The following CSMD1 variants were observed in gnomAD, a reference collection of about 807,000 sequenced individuals.
The protein encoded by CSMD1 is CUB and sushi domain-containing protein 1.
CSMD1 carries 213 observed loss-of-function variants against 417.5 expected under a neutral mutation model. The observed-to-expected ratio is 0.51, with a 90% confidence interval of 0.46 to 0.57. CSMD1 has a LOEUF of 0.57. Among genes scored for constraint, CSMD1 ranks in the 20% least tolerant of loss-of-function variants. The pLI is 0.00. For synonymous variants in CSMD1, 2,862 were observed against 1,736.8 expected, an observed-to-expected ratio of 1.65 and a Z score of -16.11; for missense variants, 6,923 against 4,529.7, an observed-to-expected ratio of 1.53 and a Z score of -15.17.
At chr8:4,155,315 CG>C (rs1585439510) in intron 3 of CSMD1, among the ~76,000 whole-genome samples, 1 of 152,136 alleles carries the variant, frequency 6.6e-6, no homozygotes, top group African/African-American at 2.4e-5. Flanking sequence ...GTTTGGGTCT[CG>C]CATTAGAGTC....
At chr8:2,971,656 T>C (rs764850388) in intron 57 of CSMD1, among the ~76,000 whole-genome samples, 2 of 152,200 alleles carry the variant, frequency 1.3e-5, no homozygotes, top group Non-Finnish European at 2.9e-5. Context: ...CTGGTTTTGG[T>C]GAGAAAACAT....
At chr8:3,818,053 G>A (rs1056186159) in intron 5 of CSMD1, among the ~76,000 whole-genome samples, 2 of 151,990 alleles carry the variant, frequency 1.3e-5, no homozygotes, top group Non-Finnish European at 2.9e-5. Context: ...CGTTCTATTC[G>A]GCTTGGAGCA....
intron 3 of CSMD1, among the ~76,000 whole-genome samples, chr8:4,278,904 T>C (rs964252562): frequency 6.6e-6 from 1 of 152,216 alleles, no homozygotes. Flanking sequence ...GGATAACTTC[T>C]CTGAAAGTAA....
chr8:4,118,418 A>G (rs1412535459), intron 3 of CSMD1, among the ~76,000 whole-genome samples: 2 of 152,188 alleles, frequency 1.3e-5, no homozygotes, highest in African/African-American at 2.4e-5. Context: ...AAAAAAATCA[A>G]AAAGTATACA....
intron 1 of CSMD1, among the ~76,000 whole-genome samples, chr8:4,993,370 A>T (rs1811578848): frequency 9.4e-6 from 1 of 106,112 alleles, no homozygotes; most frequent in African/African-American, 2.7e-5. Context: ...TGTGAAAACC[A>T]ATCAGTATTC....
chr8:4,598,171 G>C (rs569915586), intron 2 of CSMD1, among the ~76,000 whole-genome samples: 1 of 152,054 alleles, frequency 6.6e-6, no homozygotes, highest in Non-Finnish European at 1.5e-5. Flanking sequence ...GATAAATAAA[G>C]CTTTTGTAAA....
At chr8:4,802,269 C>T (rs1350151533) in intron 1 of CSMD1, among the ~76,000 whole-genome samples, 1 of 152,172 alleles carries the variant, frequency 6.6e-6, no homozygotes, top group East Asian at 1.9e-4. Context: ...CTGCCTGCCT[C>T]AGCCAAGGCT....
intron 10 of CSMD1, among the ~76,000 whole-genome samples, chr8:3,565,666 G>C (rs748188224): frequency 1.3e-5 from 2 of 152,122 alleles, no homozygotes; most frequent in African/African-American, 2.4e-5. Flanking sequence ...CCCTAAAACA[G>C]ATCTGATAAA....
intron 26 of CSMD1, among the ~76,000 whole-genome samples, chr8:3,273,668 T>C (rs1274458322): frequency 6.6e-6 from 1 of 152,230 alleles, no homozygotes; most frequent in Non-Finnish European, 1.5e-5. Context: ...TGGGAGAGTG[T>C]ATGTGTCCAG....
chr8:4,903,887 C>T (rs1343445311), intron 1 of CSMD1, among the ~76,000 whole-genome samples: 4 of 152,140 alleles, frequency 2.6e-5, no homozygotes, highest in African/African-American at 7.2e-5. Flanking sequence ...GCCTTCAACG[C>T]CGATAATGCA....
At chr8:4,868,897 C>A (rs573851155) in intron 1 of CSMD1, among the ~76,000 whole-genome samples, 2 of 151,842 alleles carry the variant, frequency 1.3e-5, no homozygotes, top group African/African-American at 4.8e-5. Context: ...AATATTTGCA[C>A]GTTTTCTAAC....
intron 8 of CSMD1, among the ~76,000 whole-genome samples, chr8:3,602,055 T>A (rs1801386970): frequency 2.6e-5 from 4 of 152,072 alleles, no homozygotes; most frequent in Admixed American, 2.6e-4. Flanking sequence ...TAAAAAGAAT[T>A]CTGGAGATGG....
At chr8:4,734,409 G>C (rs908819002) in intron 1 of CSMD1, among the ~76,000 whole-genome samples, 1 of 151,730 alleles carries the variant, frequency 6.6e-6, no homozygotes, top group Non-Finnish European at 1.5e-5. Context: ...CTTTTGTTTA[G>C]TGAGTCCCTG....
chr8:4,945,010 T>C lies in CSMD1; in HGVS notation c.85+49322A>G, dbSNP rs78437726. On this transcript the variant is annotated intron_variant, in intron 1 of 69. Coordinates refer to ENST00000635120, the MANE Select transcript of CSMD1 (RefSeq NM_033225.6). ...GAGAGGTGGAACCAACCCGTGTCCCTTGGCAGATGAATGGATAAGCAAAAG... is the reference window on the plus strand; with the variant it reads ...GAGAGGTGGAACCAACCCGTGTCCCCTGGCAGATGAATGGATAAGCAAAAG... 6.0e-3 allele frequency among the ~76,000 whole-genome samples: 909 copies of C among 152,304 alleles called. 7 individuals carry two copies. Among genetic ancestry groups the C allele is most frequent in the African/African-American group, 0.021 (873 of 41,554 alleles).
chr8:4,294,434 A>C (rs921633654), intron 3 of CSMD1, among the ~76,000 whole-genome samples: 1 of 152,154 alleles, frequency 6.6e-6, no homozygotes, highest in African/African-American at 2.4e-5. Context: ...CAGACACTTC[A>C]ATTAACATCG....
chr8:4,305,888 T>A (rs1262681816), intron 3 of CSMD1, among the ~76,000 whole-genome samples: 1 of 152,168 alleles, frequency 6.6e-6, no homozygotes, highest in Non-Finnish European at 1.5e-5. Flanking sequence ...GTATATGCAA[T>A]TGTTCTCAAG....
rs1462285151 is a variant in CSMD1 at position 4,003,593 on chromosome 8, AC to A, written c.611-5484del. Among the ~76,000 whole-genome samples the A allele has an allele frequency of 2.0e-5, 3 of 152,308 alleles. No individual in the cohort carries two copies. The East Asian group carries it at 5.8e-4, about 29-fold the overall frequency. ...TATTATGATAGGCATTCAAATTAAA[AC>A]AACACTGAAATGCCTTCTAATATAC... On this transcript the variant is annotated intron_variant, in intron 4 of 69. Transcript: ENST00000635120.
At chr8:4,332,505 G>T (rs1799923320) in intron 3 of CSMD1, among the ~76,000 whole-genome samples, 1 of 146,412 alleles carries the variant, frequency 6.8e-6, no homozygotes, top group Admixed American at 7.0e-5. Flanking sequence ...TCTTCTTCTG[G>T]TTTTTGCTTT....
At chr8:4,138,353 C>T (rs181368574) in intron 3 of CSMD1, among the ~76,000 whole-genome samples, 1 of 151,954 alleles carries the variant, frequency 6.6e-6, no homozygotes, top group South Asian at 2.1e-4. Flanking sequence ...AAAGCTGGGG[C>T]AAGGAGTCAG....
Sources: allele counts gnomAD v4.1 joint callset (sites outside exome capture counted in the v4.1 genomes callset), GRCh38; gene constraint gnomAD v4.1.1; transcripts MANE v1.5; gene names NCBI Gene and HGNC (gene_info 2026-07-23, HGNC 2026-07-21).